The following DENND5A variants were observed in gnomAD, a reference collection of about 807,000 sequenced individuals.
DENND5A encodes DENN domain-containing protein 5A.
A neutral mutation model predicts 140.3 loss-of-function variants in DENND5A; 64 were observed. That is an observed-to-expected ratio of 0.46 (90% confidence interval 0.37 to 0.56). The LOEUF is 0.56. Ranked by LOEUF, DENND5A falls within the 20% of genes least tolerant of loss-of-function variation. The probability of loss-of-function intolerance (pLI) is 0.00; values close to 1 mark genes in which losing one functional copy is unlikely to be tolerated. For missense variants in DENND5A, 1,292 were observed against 1,593.8 expected, an observed-to-expected ratio of 0.81 and a Z score of 3.22; for synonymous variants, 605 against 607.7, an observed-to-expected ratio of 1.00 and a Z score of 0.07.
rs10550560 is a variant in DENND5A, at chr11:9,170,789, T to TACACAC, written c.1907-18_1907-13dup. ...CTCAATTGCTTTCTCTGGATGAGAA[T>TACACAC]ACACACACACACACACACACACACA... On this transcript the variant is annotated splice_polypyrimidine_tract_variant and intron_variant, in intron 8 of 22. Transcript: ENST00000328194. 53 of 1,582,910 alleles carry TACACAC rather than the reference T, an allele frequency of 3.3e-5. No individual in the cohort carries two copies. The highest frequency in any genetic ancestry group is 3.9e-5 in the Non-Finnish European group (45 of 1,160,940).
chr11:9,262,560 C>T (rs1852251808), intron 1 of DENND5A, among the ~76,000 whole-genome samples: 1 of 152,176 alleles, frequency 6.6e-6, no homozygotes, highest in Non-Finnish European at 1.5e-5. Context: ...CACTGTCCTT[C>T]CTGGGCCTCA....
intron 1 of DENND5A, among the ~76,000 whole-genome samples, chr11:9,222,541 A>C (rs1378079966): frequency 6.6e-6 from 1 of 152,234 alleles, no homozygotes; most frequent in East Asian, 1.9e-4. Context: ...TAGAAGAAAA[A>C]AAGGCAATTT....
chr11:9,169,259 C>T (rs1252245355), intron 10 of DENND5A, among the ~76,000 whole-genome samples: 2 of 152,138 alleles, frequency 1.3e-5, no homozygotes, highest in Non-Finnish European at 2.9e-5. Context: ...CCAGCCTGGC[C>T]AACGTGGTGA....
chr11:9,204,588 T>C (rs1395716330), intron 3 of DENND5A, among the ~76,000 whole-genome samples: 1 of 152,104 alleles, frequency 6.6e-6, no homozygotes, highest in Non-Finnish European at 1.5e-5. Context: ...ATGGGCCAGG[T>C]GCAGTGGCTC....
At chr11:9,257,630 CG>C (rs1021738306) in intron 1 of DENND5A, among the ~76,000 whole-genome samples, 5 of 146,576 alleles carry the variant, frequency 3.4e-5, no homozygotes, top group Admixed American at 1.4e-4. Context: ...TACAGGTGCC[CG>C]CCATCGCACC....
Position 9,178,913 on chromosome 11 carries a change from C to A in DENND5A, c.1616G>T (p.Ser539Ile). Residue 539 changes from serine to isoleucine, a missense_variant, in exon 7 of 23, where the codon AGC becomes ATC. Around this residue, in one of 4 missense-constraint regions of DENND5A, gnomAD observed 29 missense variants for 64.7 expected, o/e 0.45. Transcript: ENST00000328194. ...ADYEVFVIQP[S>I]QDKESWFTNR... Reference sequence around the variant, plus strand: ...GGTAAACCAGGATTCCTTATCCTGGCTGGGTTGGATGACAAACACCTCATA... The same window carrying A: ...GGTAAACCAGGATTCCTTATCCTGGATGGGTTGGATGACAAACACCTCATA... The A allele has an allele frequency of 1.2e-6, 2 of 1,614,112 alleles. No homozygotes were observed. Among genetic ancestry groups the A allele is most frequent in the Non-Finnish European group, 8.5e-7 (1 of 1,180,024 alleles).
Position 9,204,249 on chromosome 11 carries a change from A to G in DENND5A, c.360T>C (p.Phe120=). 6.2e-7 allele frequency: 1 copy of G among 1,614,026 alleles called. No homozygotes were observed. Among genetic ancestry groups the G allele is most frequent in the Non-Finnish European group, 8.5e-7 (1 of 1,180,028 alleles). Residue 120 remains phenylalanine (F), a synonymous_variant, in exon 4 of 23, where the codon TTT becomes TTC. Transcript: ENST00000328194. ...ADPREPQFHA[F]IITREDGSRT... is the part of the protein sequence containing the mutation. ...GAGAGCCATCCTCCCTTGTGATAAT[A>G]AAGGCATGGAATTGGGGCTCCCTGG...
chr11:9,165,336 A>G (rs888703981), intron 11 of DENND5A, among the ~76,000 whole-genome samples: 4 of 152,272 alleles, frequency 2.6e-5, no homozygotes, highest in Middle Eastern at 3.4e-3. Flanking sequence ...TTAAGTTTTT[A>G]TCAAGCAAAG....
chr11:9,144,784 G>A (rs1345262746), intron 18 of DENND5A, among the ~76,000 whole-genome samples: 2 of 146,994 alleles, frequency 1.4e-5, no homozygotes, highest in Non-Finnish European at 3.0e-5. Context: ...GCAAGACTCC[G>A]TCTCAAAAAA....
At chr11:9,156,484 G>A (rs1011710051) in intron 12 of DENND5A, among the ~76,000 whole-genome samples, 14 of 152,082 alleles carry the variant, frequency 9.2e-5, no homozygotes, top group African/African-American at 1.9e-4. Context: ...AAAATTAGCC[G>A]GACGTGGTGG....
At chr11:9,225,779 A>G (rs1003145483) in intron 1 of DENND5A, among the ~76,000 whole-genome samples, 3 of 150,316 alleles carry the variant, frequency 2.0e-5, no homozygotes, top group African/African-American at 7.4e-5. Flanking sequence ...ATATATAAGT[A>G]ATAATAATAA....
At chr11:9,224,587 G>A (rs575333937) in intron 1 of DENND5A, among the ~76,000 whole-genome samples, 1 of 152,226 alleles carries the variant, frequency 6.6e-6, no homozygotes, top group Non-Finnish European at 1.5e-5. Flanking sequence ...GGTGCCCAGT[G>A]CGGTGGCTCA....
At chr11:9,228,138 A>G (rs979316534) in intron 1 of DENND5A, among the ~76,000 whole-genome samples, 25 of 143,870 alleles carry the variant, frequency 1.7e-4, no homozygotes, top group Non-Finnish European at 3.2e-4. Flanking sequence ...AAAAACTTAC[A>G]TTTGGTCTTA....
intron 3 of DENND5A, among the ~76,000 whole-genome samples, chr11:9,204,582 G>C (rs1454813807): frequency 6.6e-6 from 1 of 152,174 alleles, no homozygotes; most frequent in Non-Finnish European, 1.5e-5. Context: ...ACAAAAATGG[G>C]CCAGGTGCAG....
chr11:9,147,556 C>T (rs1344691544), intron 15 of DENND5A, among the ~76,000 whole-genome samples: 1 of 152,154 alleles, frequency 6.6e-6, no homozygotes, highest in East Asian at 1.9e-4. Context: ...GGTCACCATT[C>T]ATCACCAGGC....
At chr11:9,256,527 T>A (rs1021921044) in intron 1 of DENND5A, among the ~76,000 whole-genome samples, 1 of 152,156 alleles carries the variant, frequency 6.6e-6, no homozygotes, top group Non-Finnish European at 1.5e-5. Context: ...AAATGTTGTA[T>A]ATTCATACCA....
At chr11:9,154,618 C>T (rs575416704) in intron 12 of DENND5A, among the ~76,000 whole-genome samples, 1 of 151,850 alleles carries the variant, frequency 6.6e-6, no homozygotes, top group East Asian at 1.9e-4. Context: ...TTTGTACTTC[C>T]TACAAAATTC....
chr11:9,160,621 G>T, intron 12 of DENND5A, 92 bp downstream of exon 12: 2 of 1,214,634 alleles, frequency 1.6e-6, no homozygotes, highest in Non-Finnish European at 2.3e-6. Context: ...ATTCTTCAAA[G>T]CCAGTCAGCT....
chr11:9,243,611 G>A (rs926403942), intron 1 of DENND5A, among the ~76,000 whole-genome samples: 2 of 152,116 alleles, frequency 1.3e-5, no homozygotes, highest in Non-Finnish European at 2.9e-5. Context: ...TTCCCAGCCA[G>A]GCACGGTGGC....
Sources: gnomAD v4.1 joint callset for allele counts (sites outside exome capture counted in the v4.1 genomes callset) on GRCh38, gnomAD v4.1.1 for gene constraint, gnomAD v4.1.1 regional missense constraint, MANE v1.5 for transcripts, NCBI Gene and HGNC (gene_info 2026-07-23, HGNC 2026-07-21) for gene names.